The following ISX variants were observed in gnomAD, a reference collection of about 807,000 sequenced individuals.
ISX encodes the protein intestine-specific homeobox.
ISX carries 15 observed loss-of-function variants against 16.9 expected under a neutral mutation model. That is an observed-to-expected ratio of 0.89 (90% CI 0.59 to 1.36). The LOEUF (loss-of-function observed/expected upper bound fraction) is 1.36, where lower values mean the gene tolerates loss of function less well. Among genes scored for constraint, ISX ranks in the 40% most tolerant of loss-of-function variants. ISX has a pLI of 0.00. For missense variants in ISX, 316 were observed against 306.1 expected, an observed-to-expected ratio of 1.03 and a Z score of -0.24; for synonymous variants, 125 against 119.7, an observed-to-expected ratio of 1.04 and a Z score of -0.29.
chr22:35,073,780 G>T (rs1031808880), intron 2 of ISX, among the ~76,000 whole-genome samples: 2 of 152,242 alleles, frequency 1.3e-5, no homozygotes, highest in Non-Finnish European at 2.9e-5. Context: ...TTGAGGTCTA[G>T]GAGCCAGAAA....
intron 2 of ISX, among the ~76,000 whole-genome samples, chr22:35,067,719 C>T (rs186484322): frequency 4.6e-5 from 7 of 152,354 alleles, no homozygotes; most frequent in Non-Finnish European, 1.5e-5. Context: ...CCAAGTTACA[C>T]AGCTGGTAAA....
rs1369160805 is a variant in ISX at position 35,084,399 on chromosome 22, A to C, written c.398A>C (p.Gln133Pro). The C allele has an allele frequency of 6.2e-7, 1 of 1,613,746 alleles. No individual in the cohort carries two copies. Among genetic ancestry groups the C allele is most frequent in the Non-Finnish European group, 8.5e-7 (1 of 1,179,784 alleles). ...TGATTACAGATCTGGTTCCAGAATC[A>C]GCGAGCCAAGTGGCGGAAGCAGGAG... Reference protein sequence around the residue: ...EARVQIWFQNQRAKWRKQEKI... With the variant: ...EARVQIWFQNPRAKWRKQEKI... The change falls in exon 4 of 5, where the codon CAG becomes CCG. Residue 133 changes from glutamine to proline, a missense_variant. Transcript: ENST00000404699.
In ISX at chr22:35,085,746, G is replaced by A; in HGVS notation, c.*53G>A. On this transcript the variant is annotated 3_prime_UTR_variant, in exon 5 of 5. Coordinates refer to ENST00000404699, the MANE Select transcript of ISX (RefSeq NM_001303508.2). ...CCACTTTCCTCTCCAGGTGAAGGCA[G>A]GTAGCAGATGTGCCCTGGGCCTCTG... is the stretch of plus-strand genomic sequence containing the variant. The A allele has an allele frequency of 6.2e-7, 1 of 1,610,018 alleles. No individual in the cohort carries two copies. Among genetic ancestry groups the A allele is most frequent in the Non-Finnish European group, 8.5e-7 (1 of 1,176,714 alleles).
chr22:35,085,727 T>C lies in ISX; in HGVS notation c.*34T>C, dbSNP rs1014270711. ...CATGCTCTCCCCAAATGAGCCACTT[T>C]CCTCTCCAGGTGAAGGCAGGTAGCA... On this transcript the variant is annotated 3_prime_UTR_variant, in exon 5 of 5. Transcript: ENST00000404699. The C allele has an allele frequency of 3.7e-6, 6 of 1,613,278 alleles. No individual in the cohort carries two copies. In the African/African-American group the frequency reaches 4.0e-5, roughly 11 times the overall value.
chr22:35,071,698 G>A (rs1178919934), intron 2 of ISX, among the ~76,000 whole-genome samples: 1 of 152,224 alleles, frequency 6.6e-6, no homozygotes, highest in Admixed American at 6.5e-5. Context: ...TCAGCTCCCA[G>A]TCGGAGAGAA....
intron 2 of ISX, among the ~76,000 whole-genome samples, chr22:35,069,670 C>T (rs1184284855): frequency 2.6e-5 from 4 of 152,148 alleles, no homozygotes; most frequent in Non-Finnish European, 5.9e-5. Flanking sequence ...CTCACAGGAG[C>T]CCTCATGCCC....
rs79770823 is a variant in ISX, at chr22:35,070,751, C to T, written c.229+3435C>T. On this transcript the variant is annotated intron_variant, in intron 2 of 4. Transcript: ENST00000404699. Reference sequence around the variant, plus strand: ...GCAGTGCCACCTTGGGGCAGTGCTGCCTTCTGCCCATCTTGTCTGATGGAG... The same window carrying T: ...GCAGTGCCACCTTGGGGCAGTGCTGTCTTCTGCCCATCTTGTCTGATGGAG... 1.3e-3 allele frequency among the ~76,000 whole-genome samples: 191 copies of T among 152,298 alleles called. 1 individual carries two copies. The highest frequency in any genetic ancestry group is 4.5e-3 in the African/African-American group (189 of 41,560).
chr22:35,068,073 G>T (rs544045250), intron 2 of ISX, among the ~76,000 whole-genome samples: 2 of 152,318 alleles, frequency 1.3e-5, no homozygotes, highest in Admixed American at 6.5e-5. Flanking sequence ...CCTGCTATGT[G>T]ACCTCAGAAA....
intron 2 of ISX, among the ~76,000 whole-genome samples, chr22:35,070,262 A>G (rs542766866): frequency 6.6e-6 from 1 of 152,346 alleles, no homozygotes; most frequent in South Asian, 2.1e-4. Context: ...AGTCAATGGG[A>G]AAATCCAAGA....
rs5999701 is a variant in ISX, at chr22:35,083,677, C to G, written c.382-706C>G. On this transcript the variant is annotated intron_variant, in intron 3 of 4. Coordinates refer to ENST00000404699, the MANE Select transcript of ISX (RefSeq NM_001303508.2). ...TCTAATTCAAAATCAGGCCAACATT[C>G]TGTTCTTTATTCTATCCTTTCCTTC... Among the ~76,000 whole-genome samples, 270 of 152,324 alleles carry G rather than the reference C, an allele frequency of 1.8e-3. 3 individuals carry two copies. The highest frequency in any genetic ancestry group is 6.1e-3 in the African/African-American group (254 of 41,570).
chr22:35,078,027 C>A (rs757794344), intron 2 of ISX, among the ~76,000 whole-genome samples: 1 of 152,166 alleles, frequency 6.6e-6, no homozygotes, highest in Non-Finnish European at 1.5e-5. Context: ...CTCCTCTGTT[C>A]TCCATATTAT....
chr22:35,069,606 G>A (rs1928796617), intron 2 of ISX, among the ~76,000 whole-genome samples: 1 of 152,176 alleles, frequency 6.6e-6, no homozygotes, highest in Non-Finnish European at 1.5e-5. Flanking sequence ...GGGAAAGGAT[G>A]GTCATGATCC....
chr22:35,083,979 A>G (rs1399817332), intron 3 of ISX, among the ~76,000 whole-genome samples: 1 of 152,272 alleles, frequency 6.6e-6, no homozygotes, highest in Non-Finnish European at 1.5e-5. Context: ...TGGTCTGCAC[A>G]GTAGTTTAAA....
chr22:35,075,753 G>A (rs112908356), intron 2 of ISX, among the ~76,000 whole-genome samples: 2,725 of 152,246 alleles, frequency 0.018, 40 homozygotes, highest in Middle Eastern at 0.031. Context: ...GCTTCACACT[G>A]CCTAGAGAGT....
Position 35,085,803 on chromosome 22 carries a change from C to G in ISX, c.*110C>G, listed in dbSNP as rs553212559. 15 of 1,429,228 alleles carry G rather than the reference C, an allele frequency of 1.0e-5. No individual in the cohort carries two copies. The highest frequency in any genetic ancestry group is 1.8e-5 in the Admixed American group (1 of 57,084). The allele number at this position is 1,429,228 out of a possible 1,614,324, so 88.5% of individuals were successfully genotyped here. Reference sequence around the variant, plus strand: ...TCGATTTCACAATCCAAAAATGGCCCACAGCCCAGGAAGCTACCCTGAACA... The same window carrying G: ...TCGATTTCACAATCCAAAAATGGCCGACAGCCCAGGAAGCTACCCTGAACA... On this transcript the variant is annotated 3_prime_UTR_variant, in exon 5 of 5. Coordinates refer to ENST00000404699, the MANE Select transcript of ISX (RefSeq NM_001303508.2).
At chr22:35,068,174 C>A (rs1197035612) in intron 2 of ISX, among the ~76,000 whole-genome samples, 1 of 152,238 alleles carries the variant, frequency 6.6e-6, no homozygotes, top group African/African-American at 2.4e-5. Context: ...GTCTCAAGGG[C>A]CTTGTCAGTC....
chr22:35,070,489 AG>A (rs375046299), intron 2 of ISX, among the ~76,000 whole-genome samples: 2 of 152,248 alleles, frequency 1.3e-5, no homozygotes, highest in African/African-American at 4.8e-5. Context: ...CATAGGCCCC[AG>A]GCGAAAGGTG....
In ISX at chr22:35,079,396, T is replaced by C. The variant is rs554747598; in HGVS notation, c.230-3122T>C. Among the ~76,000 whole-genome samples the C allele has an allele frequency of 5.9e-5, 9 of 152,296 alleles. No homozygotes were observed. In the South Asian group the frequency reaches 1.7e-3, roughly 28 times the overall value. ...TGGAAGTCTTTTCTGTCCAACAGGA[T>C]TGAGAGCAGAGCCTGAATTCTACTT... On this transcript the variant is annotated intron_variant, in intron 2 of 4. Transcript: ENST00000404699.
At chr22:35,070,229 G>A (rs1431241494) in intron 2 of ISX, among the ~76,000 whole-genome samples, 1 of 152,200 alleles carries the variant, frequency 6.6e-6, no homozygotes, top group Non-Finnish European at 1.5e-5. Context: ...TGATCTATAG[G>A]TTGGACCCTC....
Sources: allele counts gnomAD v4.1 joint callset (sites outside exome capture counted in the v4.1 genomes callset), GRCh38; gene constraint gnomAD v4.1.1; transcripts MANE v1.5; gene names NCBI Gene and HGNC (gene_info 2026-07-23, HGNC 2026-07-21).